FRAS1: variants seen among roughly 807,000 people sequenced by gnomAD.
FRAS1 encodes extracellular matrix organizing protein FRAS1.
Under a neutral mutation model 435.2 loss-of-function variants are expected in FRAS1, and 290 were observed. The observed-to-expected ratio is 0.67, with a 90% CI of 0.61 to 0.73. The LOEUF (loss-of-function observed/expected upper bound fraction) is 0.73, where lower values mean the gene tolerates loss of function less well. Among genes scored for constraint, FRAS1 ranks in the 30% least tolerant of loss-of-function variants. The pLI, the probability that FRAS1 is intolerant of heterozygous loss-of-function variation, is 0.00. For synonymous variants in FRAS1, 1,800 were observed against 1,851.0 expected, an observed-to-expected ratio of 0.97 and a Z score of 0.71; for missense variants, 4,860 against 5,001.5, an observed-to-expected ratio of 0.97 and a Z score of 0.85.
intron 58 of FRAS1, 121 bp downstream of exon 58, chr4:78,482,656 G>A: frequency 9.6e-7 from 1 of 1,041,036 alleles, no homozygotes; most frequent in Non-Finnish European, 1.4e-6. Flanking sequence ...GTGTGTAGAT[G>A]TGTATACGTG....
chr4:78,521,717 A>T, intron 68 of FRAS1, 87 bp downstream of exon 68: 1 of 792,200 alleles, frequency 1.3e-6, no homozygotes, highest in South Asian at 1.6e-5. Context: ...AACAGTAAAA[A>T]ACAGTCAACA....
At position 78,324,708 on chromosome 4, in the gene FRAS1, C is replaced by CTTTTTT. The variant is rs139942839; in HGVS notation, c.2137+5740_2137+5745dup. Among the ~76,000 whole-genome samples the CTTTTTT allele has an allele frequency of 3.4e-3, 297 of 88,100 alleles. 5 individuals are homozygous for CTTTTTT. The highest frequency in any genetic ancestry group is 6.8e-3 in the African/African-American group (159 of 23,346). The allele number at this position is 88,100 out of a possible 152,430, so 57.8% of individuals were successfully genotyped here. On this transcript the variant is annotated intron_variant, in intron 18 of 73. Coordinates refer to ENST00000512123, the MANE Select transcript of FRAS1 (RefSeq NM_025074.7). ...CTTTCTTTTTATTAAGCTCAGATTC[C>CTTTTTT]TTTTTTTTTTTTTTTTTTTTTTTCT...
intron 15 of FRAS1, among the ~76,000 whole-genome samples, chr4:78,311,349 C>T (rs1290639156): frequency 6.6e-6 from 1 of 151,934 alleles, no homozygotes; most frequent in African/African-American, 2.4e-5. Flanking sequence ...ATGCTGTTTC[C>T]TTCTTTTCTC....
At chr4:78,221,603 C>T (rs1724051962) in intron 2 of FRAS1, among the ~76,000 whole-genome samples, 2 of 152,182 alleles carry the variant, frequency 1.3e-5, no homozygotes, top group African/African-American at 2.4e-5. Flanking sequence ...ATACATGGAT[C>T]CTTGCCAAGC....
At chr4:78,219,256 T>TA (rs1247587598) in intron 2 of FRAS1, among the ~76,000 whole-genome samples, 1 of 152,224 alleles carries the variant, frequency 6.6e-6, no homozygotes, top group Admixed American at 6.5e-5. Context: ...CTACCTCATT[T>TA]AAGGCCATTT....
Position 78,517,987 on chromosome 4 carries a change from C to T in FRAS1, c.10390-1344C>T, listed in dbSNP as rs915902112. Among the ~76,000 whole-genome samples, 9 of 152,148 alleles carry T rather than the reference C, an allele frequency of 5.9e-5. 1 individual carries two copies. The highest frequency in any genetic ancestry group is 3.9e-4 in the East Asian group (2 of 5,178). On this transcript the variant is annotated intron_variant, in intron 66 of 73. Transcript: ENST00000512123. ...AAAAGAGGGGCTGGGAACAGTGGCT[C>T]ATACCTGTAATCTCAGTACTTTGGG...
intron 2 of FRAS1, among the ~76,000 whole-genome samples, chr4:78,104,789 A>G (rs1742305942): frequency 6.6e-6 from 1 of 152,176 alleles, no homozygotes; most frequent in South Asian, 2.1e-4. Context: ...CAGATACTTA[A>G]TAGATACTTA....
intron 2 of FRAS1, among the ~76,000 whole-genome samples, chr4:78,075,458 G>A (rs746125113): frequency 5.3e-5 from 8 of 152,042 alleles, no homozygotes; most frequent in African/African-American, 9.7e-5. Flanking sequence ...TTATGTTACC[G>A]CAGCCAGCAG....
At chr4:78,281,804 A>G (rs1727344139) in intron 11 of FRAS1, among the ~76,000 whole-genome samples, 1 of 152,214 alleles carries the variant, frequency 6.6e-6, no homozygotes, top group African/African-American at 2.4e-5. Context: ...TGGGTTTGCA[A>G]GCATTCATTC....
chr4:78,446,916 G>C, intron 43 of FRAS1, 36 bp downstream of exon 43: 1 of 1,572,448 alleles, frequency 6.4e-7, no homozygotes, highest in Non-Finnish European at 8.6e-7. Context: ...CTTCTTAATT[G>C]AGATGCCCGA....
intron 49 of FRAS1, among the ~76,000 whole-genome samples, chr4:78,465,580 AC>A (rs1416681553): frequency 6.6e-6 from 1 of 152,198 alleles, no homozygotes; most frequent in African/African-American, 2.4e-5. Flanking sequence ...GTGCACTTAG[AC>A]TCTGGGAATA....
In FRAS1 at chr4:78,245,330, G is replaced by T; in HGVS notation, c.309+5G>T. On this transcript the variant is annotated splice_donor_5th_base_variant and intron_variant, in intron 4 of 73. Transcript: ENST00000512123. ...CATGAAAAGAAAATCCATGAGGTAA[G>T]TGTTTTCTGACTCACGGTTGATTCT... 1 of 1,578,704 alleles carries T rather than the reference G, an allele frequency of 6.3e-7. No homozygotes were observed. The highest frequency in any genetic ancestry group is 8.7e-7 in the Non-Finnish European group (1 of 1,154,630).
intron 2 of FRAS1, among the ~76,000 whole-genome samples, chr4:78,215,600 G>T (rs778683482): frequency 6.6e-6 from 1 of 152,178 alleles, no homozygotes; most frequent in African/African-American, 2.4e-5. Flanking sequence ...GTATCCTTTA[G>T]ACAACTCCCT....
intron 2 of FRAS1, among the ~76,000 whole-genome samples, chr4:78,191,418 T>C (rs1325809983): frequency 6.6e-6 from 1 of 152,238 alleles, no homozygotes; most frequent in Non-Finnish European, 1.5e-5. Flanking sequence ...GGAATTATTG[T>C]TATTTTATGA....
intron 2 of FRAS1, among the ~76,000 whole-genome samples, chr4:78,143,696 G>A (rs1295958510): frequency 6.7e-6 from 1 of 150,198 alleles, no homozygotes; most frequent in African/African-American, 2.5e-5. Context: ...AGGAGTTAGA[G>A]ACCATCCTGG....
At chr4:78,441,996 G>T (rs115980262) in intron 41 of FRAS1, among the ~76,000 whole-genome samples, 3,293 of 152,312 alleles carry the variant, frequency 0.022, 121 homozygotes, top group African/African-American at 0.075. Flanking sequence ...GTTGCTGTGC[G>T]GCTTTCCCTG....
chr4:78,329,392 C>T (rs1460055890), intron 18 of FRAS1, among the ~76,000 whole-genome samples: 1 of 152,178 alleles, frequency 6.6e-6, no homozygotes, highest in Non-Finnish European at 1.5e-5. Context: ...CTAAAGAGAT[C>T]TAAGAGATTT....
At chr4:78,368,628 C>T (rs911663015) in intron 22 of FRAS1, among the ~76,000 whole-genome samples, 2 of 152,144 alleles carry the variant, frequency 1.3e-5, no homozygotes, top group African/African-American at 4.8e-5. Context: ...ATGAAGTTTG[C>T]AGCCTAAAAG....
At chr4:78,389,921 G>A (rs1235835577) in intron 29 of FRAS1, among the ~76,000 whole-genome samples, 5 of 152,124 alleles carry the variant, frequency 3.3e-5, no homozygotes, top group African/African-American at 1.2e-4. Flanking sequence ...AGTCATGTAG[G>A]TATTTTCTAT....
Sources: allele counts gnomAD v4.1 joint callset (sites outside exome capture counted in the v4.1 genomes callset), GRCh38; gene constraint gnomAD v4.1.1; transcripts MANE v1.5; gene names NCBI Gene and HGNC (gene_info 2026-07-23, HGNC 2026-07-21).